OR51B5: variants seen among roughly 807,000 people sequenced by gnomAD.
The protein encoded by OR51B5 is olfactory receptor family 51 subfamily B member 5.
For synonymous variants in OR51B5, 186 were observed against 144.8 expected, an observed-to-expected ratio of 1.28 and a Z score of -2.04; for missense variants, 456 against 374.6, an observed-to-expected ratio of 1.22 and a Z score of -1.79.
chr11:5,371,515 A>ATTTT (rs1849447942), intron 1 of OR51B5, among the ~76,000 whole-genome samples: 1 of 152,126 alleles, frequency 6.6e-6, no homozygotes, highest in Non-Finnish European at 1.5e-5. Flanking sequence ...AAAAACATAT[A>ATTTT]TCTCATTATA....
chr11:5,479,525 T>A (rs1193589119), intron 1 of OR51B5, among the ~76,000 whole-genome samples: 2,853 of 149,600 alleles, frequency 0.019, 43 homozygotes, highest in Non-Finnish European at 0.028. Context: ...TAACTTTAAA[T>A]GTAAATGGAC....
At chr11:5,498,179 T>C (rs1481259628) in intron 1 of OR51B5, among the ~76,000 whole-genome samples, 1 of 152,216 alleles carries the variant, frequency 6.6e-6, no homozygotes, top group East Asian at 1.9e-4. Context: ...TCTCAGTTCC[T>C]TGCCAAATGC....
intron 1 of OR51B5, chr11:5,351,880 C>T (rs373311175): frequency 1.9e-5 from 30 of 1,613,178 alleles, no homozygotes; most frequent in South Asian, 6.6e-5. Context: ...CATTACCATC[C>T]GCAGCCCCTT....
chr11:5,483,301 G>C (rs1177495251), intron 1 of OR51B5, among the ~76,000 whole-genome samples: 3 of 132,806 alleles, frequency 2.3e-5, no homozygotes, highest in Non-Finnish European at 4.6e-5. Flanking sequence ...GGTGGGAACT[G>C]AACAATGAGA....
chr11:5,408,315 A>G (rs938441029), intron 1 of OR51B5, among the ~76,000 whole-genome samples: 2 of 152,014 alleles, frequency 1.3e-5, no homozygotes, highest in African/African-American at 2.4e-5. Context: ...CTCCTAGCTT[A>G]ACACTGTCAA....
At chr11:5,344,619 T>C (rs1416787667), upstream of OR51B5, among the ~76,000 whole-genome samples, 1 of 152,208 alleles carries the variant, frequency 6.6e-6, no homozygotes, top group African/African-American at 2.4e-5. Context: ...CATATAGACA[T>C]GGTGTTTATT....
intron 1 of OR51B5, among the ~76,000 whole-genome samples, chr11:5,386,305 T>C (rs1318896219): frequency 6.6e-6 from 1 of 152,098 alleles, no homozygotes; most frequent in Non-Finnish European, 1.5e-5. Context: ...GGGCTAAAGA[T>C]GGTGTTACAG....
chr11:5,349,570 A>G (rs186847816), intron 1 of OR51B5, among the ~76,000 whole-genome samples: 3 of 152,306 alleles, frequency 2.0e-5, no homozygotes, highest in Non-Finnish European at 4.4e-5. Flanking sequence ...AATTAAAGTT[A>G]TTATGTGAGG....
intron 1 of OR51B5, among the ~76,000 whole-genome samples, chr11:5,423,504 CTG>C (rs1321322955): frequency 6.6e-6 from 1 of 152,168 alleles, no homozygotes; most frequent in Non-Finnish European, 1.5e-5. Flanking sequence ...AAAGGAAATC[CTG>C]TTGTTGCCCC....
At chr11:5,356,716 T>C (rs7481486) in intron 1 of OR51B5, among the ~76,000 whole-genome samples, 113,249 of 120,982 alleles carry the variant, frequency 0.94, 54,640 homozygotes, top group Non-Finnish European at 0.97. Flanking sequence ...ATGTTAAGGG[T>C]AGCCAGAGAG....
chr11:5,413,660 A>G (rs886563528), intron 1 of OR51B5, among the ~76,000 whole-genome samples: 9 of 152,250 alleles, frequency 5.9e-5, no homozygotes, highest in Non-Finnish European at 5.9e-5. Context: ...AGCCAATGCA[A>G]TCAACTGGAA....
chr11:5,390,683 A>C, intron 1 of OR51B5: 1 of 293,714 alleles, frequency 3.4e-6, no homozygotes. Flanking sequence ...ATAAAAACTA[A>C]AAAGAACAAT....
intron 1 of OR51B5, among the ~76,000 whole-genome samples, chr11:5,458,962 C>T (rs1391761146): frequency 2.6e-5 from 4 of 152,208 alleles, no homozygotes; most frequent in African/African-American, 4.8e-5. Context: ...TCTTGCTTGA[C>T]GCTCTGGCTA....
rs774287640 is a variant in OR51B5 at position 5,453,712 on chromosome 11, T to C, written n.84+51857A>G. ...TCCTTCAGTGATGTGGCCATATCCA[T>C]GGCCACACTGCCCACTGTACTCCGA... is the stretch of plus-strand genomic sequence containing the variant. On this transcript the variant is annotated intron_variant and non_coding_transcript_variant, in intron 1 of 4. Transcript: ENST00000415970. 8.1e-6 allele frequency: 13 copies of C among 1,613,828 alleles called. No individual in the cohort carries two copies. The highest frequency in any genetic ancestry group is 1.1e-5 in the South Asian group (1 of 91,066).
chr11:5,478,979 G>C (rs1851365692), intron 1 of OR51B5, among the ~76,000 whole-genome samples: 1 of 151,918 alleles, frequency 6.6e-6, no homozygotes, highest in South Asian at 2.1e-4. Context: ...TAGCAAGGCA[G>C]GTCAACGTTC....
At chr11:5,441,157 T>G in intron 1 of OR51B5, 1 of 1,614,024 alleles carries the variant, frequency 6.2e-7, no homozygotes, top group South Asian at 1.1e-5. Flanking sequence ...TCCAAGCTCA[T>G]GGCCAGCAGT....
rs988876537 is a variant in OR51B5 at position 5,478,108 on chromosome 11, C to G, written n.84+27461G>C. On this transcript the variant is annotated intron_variant and non_coding_transcript_variant, in intron 1 of 4. Transcript: ENST00000415970. ...AGTAACCTCTGCAGACTTCAATGTC[C>G]CTGTCTGACAGCTTTGAAGAGAGCA... 3.2e-4 allele frequency among the ~76,000 whole-genome samples: 49 copies of G among 151,780 alleles called. No individual in the cohort carries two copies. The South Asian group carries it at 0.01, about 31-fold the overall frequency.
intron 1 of OR51B5, chr11:5,423,048 T>C (rs775915376): frequency 6.2e-7 from 1 of 1,614,078 alleles, no homozygotes; most frequent in South Asian, 1.1e-5. Context: ...AATATCTACC[T>C]GCTGGCACCC....
At chr11:5,488,618 T>C (rs1487763954) in intron 1 of OR51B5, 1 of 1,023,278 alleles carries the variant, frequency 9.8e-7, no homozygotes, top group African/African-American at 1.6e-5. Context: ...CAGAAAGATC[T>C]TTGTTTTACA....
Sources: allele counts gnomAD v4.1 joint callset (sites outside exome capture counted in the v4.1 genomes callset), GRCh38; gene constraint gnomAD v4.1.1; transcripts MANE v1.5; gene names NCBI Gene and HGNC (gene_info 2026-07-23, HGNC 2026-07-21).